ALG9: variants seen among roughly 807,000 people sequenced by gnomAD.
ALG9 encodes ALG9 alpha-1,2-mannosyltransferase, also known as alpha-1,2-mannosyltransferase ALG9.
In ALG9, 55 loss-of-function variants were observed where a neutral mutation model predicts 81.8. That is an observed-to-expected ratio of 0.67 (90% confidence interval 0.54 to 0.84). The LOEUF is 0.84. Among genes scored for constraint, ALG9 ranks in the 40% least tolerant of loss-of-function variants. The probability of loss-of-function intolerance (pLI) is 0.00; values close to 1 mark genes in which losing one functional copy is unlikely to be tolerated. For missense variants in ALG9, 629 were observed against 745.0 expected, an observed-to-expected ratio of 0.84 and a Z score of 1.81; for synonymous variants, 278 against 274.3, an observed-to-expected ratio of 1.01 and a Z score of -0.13.
chr11:111,835,215 G>T (rs1271145553), intron 13 of ALG9, among the ~76,000 whole-genome samples: 3 of 152,188 alleles, frequency 2.0e-5, no homozygotes, highest in Non-Finnish European at 4.4e-5. Flanking sequence ...AGGTTATCAG[G>T]TTATCAAAAA....
chr11:111,792,736 G>C (rs1490860173), intron 14 of ALG9, among the ~76,000 whole-genome samples: 1 of 152,068 alleles, frequency 6.6e-6, no homozygotes, highest in Admixed American at 6.6e-5. Context: ...CTACAAAAAA[G>C]GTGAGAATTA....
chr11:111,856,705 A>G (rs1477828214), intron 6 of ALG9, among the ~76,000 whole-genome samples: 2 of 151,490 alleles, frequency 1.3e-5, no homozygotes, highest in Non-Finnish European at 2.9e-5. Flanking sequence ...TTCCTAAATT[A>G]CCTGTGGTAC....
At chr11:111,831,197 T>A (rs535900561) in intron 13 of ALG9, among the ~76,000 whole-genome samples, 2 of 152,150 alleles carry the variant, frequency 1.3e-5, no homozygotes, top group Non-Finnish European at 2.9e-5. Flanking sequence ...CACATCATCA[T>A]GCCTGGCTAA....
intron 3 of ALG9, among the ~76,000 whole-genome samples, chr11:111,865,822 G>A (rs1196126066): frequency 1.3e-5 from 2 of 152,078 alleles, no homozygotes; most frequent in Non-Finnish European, 2.9e-5. Context: ...GGTAGATTTA[G>A]ATGAGTATTT....
intron 13 of ALG9, among the ~76,000 whole-genome samples, chr11:111,816,076 C>T (rs673679): frequency 0.71 from 108,448 of 152,132 alleles, 39,444 homozygotes; most frequent in African/African-American, 0.86. Context: ...TAGGTTACAT[C>T]TTCTTGCCTC....
intron 13 of ALG9, among the ~76,000 whole-genome samples, chr11:111,819,055 A>T (rs1345033338): frequency 1.3e-5 from 2 of 152,374 alleles, no homozygotes; most frequent in East Asian, 3.9e-4. Flanking sequence ...TGAAGAGTAG[A>T]TTTCAAATGC....
chr11:111,853,594 T>C, intron 7 of ALG9, 55 bp downstream of exon 7: 13 of 1,582,878 alleles, frequency 8.2e-6, no homozygotes, highest in Non-Finnish European at 1.0e-5. Flanking sequence ...TTTTTTCACA[T>C]CAAAGTTGCT....
intron 1 of ALG9, chr11:111,870,626 T>G: frequency 1.3e-6 from 1 of 742,174 alleles, no homozygotes; most frequent in East Asian, 5.8e-5. Context: ...TAGGCTCAAG[T>G]AATCCTCCTG....
At chr11:111,856,896 C>T (rs1239668315) in intron 6 of ALG9, among the ~76,000 whole-genome samples, 4 of 152,022 alleles carry the variant, frequency 2.6e-5, no homozygotes, top group East Asian at 1.9e-4. Flanking sequence ...CACCTGAGGT[C>T]GGGAGTTCAA....
At chr11:111,849,550 T>TG (rs1957440475) in intron 8 of ALG9, 2 of 152,352 alleles carry the variant, frequency 1.3e-5, no homozygotes, top group African/African-American at 4.8e-5. Context: ...TGAGCCATGG[T>TG]GGTTTGCTGC....
At chr11:111,819,046 G>A (rs1262725005) in intron 13 of ALG9, among the ~76,000 whole-genome samples, 2 of 152,232 alleles carry the variant, frequency 1.3e-5, no homozygotes, top group African/African-American at 2.4e-5. Flanking sequence ...AAATCTGGGT[G>A]AAGAGTAGAT....
chr11:111,785,637 T>A lies in ALG9; in HGVS notation c.*760A>T. 1 of 170,538 alleles carries A rather than the reference T, an allele frequency of 5.9e-6. No homozygotes were observed. Among genetic ancestry groups the A allele is most frequent in the East Asian group, 1.6e-4 (1 of 6,148 alleles). The allele number at this position is 170,538 out of a possible 1,614,324, so 10.6% of individuals were successfully genotyped here. On this transcript the variant is annotated 3_prime_UTR_variant, in exon 15 of 15. Coordinates refer to ENST00000616540, the MANE Select transcript of ALG9 (RefSeq NM_024740.2). ...ACAGTTGTAGTTTTGTCTGTTGATA[T>A]CTTCACATGGAGGAGTCTAGAATTC...
At chr11:111,769,616 CAA>C in the ALG9 span, among the ~76,000 whole-genome samples, 3 of 131,602 alleles carry the variant, frequency 2.3e-5, no homozygotes, top group African/African-American at 3.0e-5. Context: ...GACCCTGTCT[CAA>C]AAAAAAAAAA....
At chr11:111,775,472 A>C in the ALG9 span, among the ~76,000 whole-genome samples, 1 of 152,194 alleles carries the variant, frequency 6.6e-6, no homozygotes, top group African/African-American at 2.4e-5. Context: ...TATGTGGTTA[A>C]AATTAGCTGG....
chr11:111,865,345 T>C (rs879997719), intron 3 of ALG9, 94 bp from the exon 4 acceptor site: 12 of 922,488 alleles, frequency 1.3e-5, no homozygotes, highest in Non-Finnish European at 2.0e-5. Context: ...TCAATAACAC[T>C]GTAAATTGGT....
intron 13 of ALG9, among the ~76,000 whole-genome samples, chr11:111,819,023 T>C (rs1555100653): frequency 6.6e-6 from 1 of 152,186 alleles, no homozygotes. Flanking sequence ...ATCAAAGAAG[T>C]ACACAGTTTT....
intron 5 of ALG9, among the ~76,000 whole-genome samples, chr11:111,858,170 C>T (rs782217263): frequency 1.3e-5 from 2 of 152,078 alleles, no homozygotes; most frequent in Admixed American, 6.6e-5. Flanking sequence ...CTCTTGACCT[C>T]GTGATCTGCC....
At chr11:111,831,030 G>A (rs1306060853) in intron 13 of ALG9, among the ~76,000 whole-genome samples, 1 of 151,652 alleles carries the variant, frequency 6.6e-6, no homozygotes, top group African/African-American at 2.4e-5. Context: ...AATTAGCTAG[G>A]GGTAGTGGCT....
intron 1 of ALG9, 72 bp downstream of exon 1, chr11:111,871,280 C>T (rs1555158501): frequency 7.3e-7 from 1 of 1,363,048 alleles, no homozygotes; most frequent in East Asian, 3.0e-5. Flanking sequence ...CGCGCCACAG[C>T]TAAGACCCTC....
Sources: allele counts gnomAD v4.1 joint callset (sites outside exome capture counted in the v4.1 genomes callset), GRCh38; gene constraint gnomAD v4.1.1; transcripts MANE v1.5; gene names NCBI Gene and HGNC (gene_info 2026-07-23, HGNC 2026-07-21).